MACROD2: variants seen among roughly 807,000 people sequenced by gnomAD.
The protein encoded by MACROD2 is mono-ADP ribosylhydrolase 2, also known as ADP-ribose glycohydrolase MACROD2.
In MACROD2, 36 loss-of-function variants were observed where a neutral mutation model predicts 70.4. The observed-to-expected ratio is 0.51, with a 90% confidence interval of 0.39 to 0.68. The LOEUF (loss-of-function observed/expected upper bound fraction) is 0.68, where lower values mean the gene tolerates loss of function less well. Among genes scored for constraint, MACROD2 ranks in the 30% least tolerant of loss-of-function variants. The pLI is 0.00. For missense variants in MACROD2, 496 were observed against 538.4 expected (o/e 0.92, Z 0.78); for synonymous variants, 172 against 178.8 (o/e 0.96, Z 0.30).
chr20:15,957,763 A>T (rs1302741596), intron 12 of MACROD2, among the ~76,000 whole-genome samples: 1 of 152,070 alleles, frequency 6.6e-6, no homozygotes, highest in Non-Finnish European at 1.5e-5. Flanking sequence ...TGGCCCCCTT[A>T]TATCTCCCAA....
intron 5 of MACROD2, chr20:14,757,869 C>T (rs2071962435): frequency 1.3e-6 from 2 of 1,494,830 alleles, no homozygotes; most frequent in African/African-American, 1.4e-5. Context: ...ACTGGCAGGC[C>T]TCGGCCTAAA....
intron 3 of MACROD2, among the ~76,000 whole-genome samples, chr20:14,428,561 A>G (rs576196929): frequency 1.1e-4 from 17 of 152,218 alleles, no homozygotes; most frequent in Admixed American, 3.9e-4. Context: ...TTTTACTAAG[A>G]TGAATTTGGT....
At chr20:14,775,742 A>G (rs1305752978) in intron 5 of MACROD2, among the ~76,000 whole-genome samples, 1 of 152,052 alleles carries the variant, frequency 6.6e-6, no homozygotes, top group Non-Finnish European at 1.5e-5. Flanking sequence ...ATGTAAGTAC[A>G]TAGAAACCAT....
At chr20:15,377,699 T>A (rs1332403824) in intron 6 of MACROD2, among the ~76,000 whole-genome samples, 1 of 152,240 alleles carries the variant, frequency 6.6e-6, no homozygotes, top group East Asian at 1.9e-4. Flanking sequence ...ACTTAGAGAA[T>A]AAGACAATGC....
chr20:15,266,922 A>T (rs920018741), intron 6 of MACROD2, among the ~76,000 whole-genome samples: 3 of 152,212 alleles, frequency 2.0e-5, no homozygotes, highest in African/African-American at 7.2e-5. Flanking sequence ...TCTAGAGGGC[A>T]GGGGCGCGGG....
chr20:14,467,527 C>T (rs6079457), intron 3 of MACROD2, among the ~76,000 whole-genome samples: 19,885 of 151,990 alleles, frequency 0.13, 1,548 homozygotes, highest in East Asian at 0.31. Context: ...ACGCATGGTG[C>T]GCTGCCCCCA....
chr20:15,445,667 G>T (rs1365309740), intron 7 of MACROD2, among the ~76,000 whole-genome samples: 2 of 152,220 alleles, frequency 1.3e-5, no homozygotes, highest in East Asian at 1.9e-4. Context: ...CGTTTCGTTG[G>T]CCCAAAATAC....
At chr20:14,041,906 G>A (rs899857619) in intron 2 of MACROD2, among the ~76,000 whole-genome samples, 11 of 152,060 alleles carry the variant, frequency 7.2e-5, no homozygotes, top group African/African-American at 2.7e-4. Flanking sequence ...GGAGATGGGG[G>A]AGACTCTTGA....
intron 4 of MACROD2, among the ~76,000 whole-genome samples, chr20:14,561,984 A>AT (rs11477523): frequency 6.6e-6 from 1 of 151,538 alleles, no homozygotes; most frequent in African/African-American, 2.4e-5. Context: ...TAATCTTTTT[A>AT]TTTTTTTTAA....
intron 7 of MACROD2, among the ~76,000 whole-genome samples, chr20:15,446,190 C>A (rs892821057): frequency 1.3e-5 from 2 of 152,100 alleles, no homozygotes; most frequent in South Asian, 2.1e-4. Context: ...TATGGACTAC[C>A]CCACCTTCAG....
At chr20:15,860,606 A>G (rs1015129801) in intron 8 of MACROD2, among the ~76,000 whole-genome samples, 1 of 152,210 alleles carries the variant, frequency 6.6e-6, no homozygotes, top group Admixed American at 6.5e-5. Context: ...TATATATAAA[A>G]GTATAGAAAA....
intron 5 of MACROD2, among the ~76,000 whole-genome samples, chr20:15,194,474 GGTT>G (rs2076592586): frequency 6.6e-6 from 1 of 151,758 alleles, no homozygotes; most frequent in African/African-American, 2.4e-5. Context: ...CTTACAGAAG[GGTT>G]GTAAAAATAA....
intron 10 of MACROD2, among the ~76,000 whole-genome samples, chr20:15,914,379 C>G (rs753668692): frequency 6.6e-6 from 1 of 152,138 alleles, no homozygotes; most frequent in Admixed American, 6.5e-5. Context: ...AGGAGATGGA[C>G]GTCAGAACCT....
At chr20:14,353,112 CTT>C (rs1412804670) in intron 3 of MACROD2, among the ~76,000 whole-genome samples, 1 of 152,086 alleles carries the variant, frequency 6.6e-6, no homozygotes, top group Admixed American at 6.6e-5. Flanking sequence ...TGATTTGTCA[CTT>C]GTGTAAAAGT....
At chr20:14,016,858 T>C (rs981018710) in intron 2 of MACROD2, among the ~76,000 whole-genome samples, 14 of 152,112 alleles carry the variant, frequency 9.2e-5, no homozygotes, top group African/African-American at 3.4e-4. Flanking sequence ...AGATTCCAAA[T>C]GAATTTTAGG....
intron 5 of MACROD2, among the ~76,000 whole-genome samples, chr20:15,033,755 T>G (rs2075292765): frequency 6.6e-6 from 1 of 152,206 alleles, no homozygotes; most frequent in Admixed American, 6.5e-5. Context: ...TAAACAAACC[T>G]GTCCATGTTA....
chr20:14,066,147 A>C (rs2053754479), intron 2 of MACROD2, among the ~76,000 whole-genome samples: 1 of 152,172 alleles, frequency 6.6e-6, no homozygotes, highest in African/African-American at 2.4e-5. Context: ...TTGATTTTCC[A>C]CTTAGGTTAT....
intron 15 of MACROD2, among the ~76,000 whole-genome samples, chr20:15,996,142 T>A (rs2066628784): frequency 6.6e-6 from 1 of 152,196 alleles, no homozygotes; most frequent in South Asian, 2.1e-4. Context: ...GGTTCCCTTT[T>A]TTCCACACCC....
At chr20:15,651,765 T>C (rs753395268) in intron 8 of MACROD2, among the ~76,000 whole-genome samples, 10 of 152,198 alleles carry the variant, frequency 6.6e-5, no homozygotes, top group Non-Finnish European at 1.3e-4. Context: ...ATGTGGCCCA[T>C]GCTCCATAAT....
Sources: allele counts gnomAD v4.1 joint callset (sites outside exome capture counted in the v4.1 genomes callset), GRCh38; gene constraint gnomAD v4.1.1; transcripts MANE v1.5; gene names NCBI Gene and HGNC (gene_info 2026-07-23, HGNC 2026-07-21).